Variants in ULK4 observed in about 807,000 individuals in gnomAD.
The protein encoded by ULK4 is inactive serine/threonine-protein kinase ULK4.
In ULK4, 133 loss-of-function variants were observed where a neutral mutation model predicts 160.6. That is an observed-to-expected ratio of 0.83 (90% CI 0.72 to 0.96). The LOEUF (loss-of-function observed/expected upper bound fraction) is 0.96, where lower values mean the gene tolerates loss of function less well. ULK4 is among the 40% of genes least tolerant of loss of function. The pLI is 0.00. For synonymous variants in ULK4, 534 were observed against 539.8 expected, an observed-to-expected ratio of 0.99 and a Z score of 0.15; for missense variants, 1,580 against 1,499.5, an observed-to-expected ratio of 1.05 and a Z score of -0.89.
At chr3:41,498,205 A>C (rs2085060221) in intron 32 of ULK4, among the ~76,000 whole-genome samples, 1 of 152,226 alleles carries the variant, frequency 6.6e-6, no homozygotes. Flanking sequence ...GAGTGTGTTC[A>C]TTCAACATAA....
intron 7 of ULK4, 140 bp downstream of exon 7, chr3:41,918,317 T>G: frequency 1.4e-5 from 7 of 517,302 alleles, no homozygotes; most frequent in Non-Finnish European, 2.0e-5. Context: ...ATACTAACAT[T>G]TCTAAAAATA....
intron 32 of ULK4, among the ~76,000 whole-genome samples, chr3:41,535,180 G>C (rs73830220): frequency 0.064 from 9,809 of 152,180 alleles, 938 homozygotes; most frequent in African/African-American, 0.21. Context: ...AGGTCTCTGG[G>C]TTTTCTTCCA....
At chr3:41,374,471 G>A (rs1182726781) in intron 35 of ULK4, among the ~76,000 whole-genome samples, 1 of 152,114 alleles carries the variant, frequency 6.6e-6, no homozygotes, top group Non-Finnish European at 1.5e-5. Context: ...TGGGATGCAA[G>A]GCTGGTTCAA....
chr3:41,317,988 G>C (rs1054466381), intron 35 of ULK4, among the ~76,000 whole-genome samples: 1 of 152,208 alleles, frequency 6.6e-6, no homozygotes, highest in African/African-American at 2.4e-5. Context: ...CCTCTTGGCA[G>C]TGCCATTTCA....
intron 30 of ULK4, among the ~76,000 whole-genome samples, chr3:41,617,344 G>T (rs576185879): frequency 6.6e-6 from 1 of 152,356 alleles, no homozygotes; most frequent in African/African-American, 2.4e-5. Flanking sequence ...CCCAACAGGG[G>T]TCGACAGACA....
intron 22 of ULK4, among the ~76,000 whole-genome samples, chr3:41,726,214 A>G (rs1234258041): frequency 6.6e-6 from 1 of 152,234 alleles, no homozygotes. Context: ...ACTAGTACAG[A>G]CTGTTAATAC....
chr3:41,843,687 C>A (rs999924722), intron 17 of ULK4, among the ~76,000 whole-genome samples: 1 of 152,148 alleles, frequency 6.6e-6, no homozygotes, highest in African/African-American at 2.4e-5. Context: ...AAAGAGTGAG[C>A]AGCAGCAAGA....
At chr3:41,416,830 A>G (rs776709488) in intron 34 of ULK4, among the ~76,000 whole-genome samples, 5 of 152,176 alleles carry the variant, frequency 3.3e-5, no homozygotes, top group Non-Finnish European at 7.4e-5. Context: ...GGGGACCCAA[A>G]TTTGTCCAAA....
intron 32 of ULK4, among the ~76,000 whole-genome samples, chr3:41,552,301 G>C (rs112289031): frequency 0.031 from 4,721 of 151,900 alleles, 219 homozygotes; most frequent in African/African-American, 0.1. Context: ...CATCCAAACA[G>C]GAAAAGAGGA....
intron 32 of ULK4, among the ~76,000 whole-genome samples, chr3:41,533,874 C>A (rs559845350): frequency 3.3e-5 from 5 of 152,302 alleles, no homozygotes; most frequent in African/African-American, 1.2e-4. Flanking sequence ...GTGGCGCGAT[C>A]TTGGCTCACT....
At chr3:41,451,298 G>T (rs2083420063) in intron 34 of ULK4, among the ~76,000 whole-genome samples, 1 of 151,994 alleles carries the variant, frequency 6.6e-6, no homozygotes, top group African/African-American at 2.4e-5. Flanking sequence ...TATAAAGAAG[G>T]TTCCAAGAAT....
intron 35 of ULK4, among the ~76,000 whole-genome samples, chr3:41,326,216 C>A (rs1415661029): frequency 6.6e-6 from 1 of 152,042 alleles, no homozygotes; most frequent in African/African-American, 2.4e-5. Context: ...ATTCCAATCA[C>A]GAGTAGTACC....
At chr3:41,390,029 A>C (rs1023100036) in intron 35 of ULK4, among the ~76,000 whole-genome samples, 1 of 152,084 alleles carries the variant, frequency 6.6e-6, no homozygotes, top group African/African-American at 2.4e-5. Context: ...GTAAGCTATT[A>C]ATTATTGCCT....
intron 17 of ULK4, among the ~76,000 whole-genome samples, chr3:41,843,410 G>A (rs2041983058): frequency 6.6e-6 from 1 of 152,038 alleles, no homozygotes; most frequent in African/African-American, 2.4e-5. Context: ...CCCTCGCGGT[G>A]AGTGTTACAG....
At chr3:41,652,604 T>C (rs1033803497) in intron 30 of ULK4, among the ~76,000 whole-genome samples, 5 of 152,152 alleles carry the variant, frequency 3.3e-5, no homozygotes, top group Admixed American at 3.3e-4. Context: ...AGACTCAAAC[T>C]ACGAATCAAA....
At chr3:41,385,653 G>C (rs2081789931) in intron 35 of ULK4, among the ~76,000 whole-genome samples, 2 of 152,178 alleles carry the variant, frequency 1.3e-5, no homozygotes, top group South Asian at 4.1e-4. Context: ...ACTAAGATTT[G>C]TTATTCTGTT....
chr3:41,547,382 T>C lies in ULK4; in HGVS notation c.3226+18643A>G, dbSNP rs549842776. Among the ~76,000 whole-genome samples the C allele has an allele frequency of 2.0e-5, 3 of 152,232 alleles. No homozygotes were observed. The East Asian group carries it at 5.8e-4, about 30-fold the overall frequency. On this transcript the variant is annotated intron_variant, in intron 32 of 36. Transcript: ENST00000301831. ...CAGCAGGGAAGGGACAGGGAACATC[T>C]GAGGCACAGAAAGAGAAGTGAGGCA...
chr3:41,704,929 G>T (rs2036817409), intron 27 of ULK4, 128 bp downstream of exon 27: 1 of 629,492 alleles, frequency 1.6e-6, no homozygotes. Context: ...GCCAGGGTAG[G>T]GGGGTTCTGA....
intron 35 of ULK4, among the ~76,000 whole-genome samples, chr3:41,334,203 G>A (rs1016336133): frequency 1.3e-5 from 2 of 152,112 alleles, no homozygotes; most frequent in Non-Finnish European, 2.9e-5. Context: ...CTTGTCACAG[G>A]GGCTGTAAAC....
Sources: gnomAD v4.1 joint callset for allele counts (sites outside exome capture counted in the v4.1 genomes callset) on GRCh38, gnomAD v4.1.1 for gene constraint, MANE v1.5 for transcripts, NCBI Gene and HGNC (gene_info 2026-07-23, HGNC 2026-07-21) for gene names.